The following UHRF2 variants were observed in gnomAD, a reference collection of about 807,000 sequenced individuals.
UHRF2 encodes the protein ubiquitin like with PHD and ring finger domains 2.
UHRF2 carries 23 observed loss-of-function variants against 96.8 expected under a neutral mutation model. The observed-to-expected ratio is 0.24, with a 90% CI of 0.17 to 0.34. The LOEUF is 0.34. UHRF2 is among the 10% of genes least tolerant of loss of function. UHRF2 has a pLI of 1.00. For missense variants in UHRF2, 685 were observed against 981.5 expected, an observed-to-expected ratio of 0.70 and a Z score of 4.04; for synonymous variants, 385 against 332.6, an observed-to-expected ratio of 1.16 and a Z score of -1.72.
chr9:6,473,198 C>G (rs1823356228), intron 4 of UHRF2, among the ~76,000 whole-genome samples: 1 of 152,128 alleles, frequency 6.6e-6, no homozygotes, highest in Non-Finnish European at 1.5e-5. Flanking sequence ...TGGGAGTCAA[C>G]TGGAAGCTCC....
At chr9:6,481,532 A>C (rs1318827818) in intron 6 of UHRF2, 111 bp from the exon 7 acceptor site, 1 of 1,280,250 alleles carries the variant, frequency 7.8e-7, no homozygotes, top group East Asian at 2.3e-5. Context: ...TCTGTAATGT[A>C]TACCAAATAA....
At chr9:6,425,620 G>A (rs990658650) in intron 2 of UHRF2, among the ~76,000 whole-genome samples, 3 of 152,162 alleles carry the variant, frequency 2.0e-5, no homozygotes, top group Middle Eastern at 3.4e-3. Flanking sequence ...AAAATTAGCT[G>A]GGCGTTGTGG....
intron 2 of UHRF2, among the ~76,000 whole-genome samples, chr9:6,430,450 A>C (rs1293581445): frequency 1.3e-5 from 2 of 152,216 alleles, no homozygotes; most frequent in Non-Finnish European, 2.9e-5. Flanking sequence ...TGTATATTTT[A>C]TGATGTTTTG....
At chr9:6,465,150 C>G (rs898464196) in intron 4 of UHRF2, among the ~76,000 whole-genome samples, 3 of 151,948 alleles carry the variant, frequency 2.0e-5, no homozygotes, top group African/African-American at 7.3e-5. Context: ...CCCTGCTTTC[C>G]AAGAGAAAAC....
At chr9:6,418,369 C>T (rs1819735707) in intron 1 of UHRF2, among the ~76,000 whole-genome samples, 1 of 150,838 alleles carries the variant, frequency 6.6e-6, no homozygotes, top group South Asian at 2.1e-4. Context: ...TTAGAGTAAG[C>T]ATGGTAACTT....
chr9:6,469,258 G>A (rs1234427063), intron 4 of UHRF2, among the ~76,000 whole-genome samples: 1 of 152,138 alleles, frequency 6.6e-6, no homozygotes, highest in Non-Finnish European at 1.5e-5. Context: ...CATGGCACAC[G>A]CCTATAATCC....
intron 4 of UHRF2, among the ~76,000 whole-genome samples, chr9:6,467,807 G>A (rs115581413): frequency 0.02 from 3,055 of 151,904 alleles, 102 homozygotes; most frequent in African/African-American, 0.069. Flanking sequence ...CCTCTGAACC[G>A]GACTGAATCC....
chr9:6,479,989 C>G (rs1374013102), intron 6 of UHRF2, among the ~76,000 whole-genome samples: 1 of 152,174 alleles, frequency 6.6e-6, no homozygotes, highest in Non-Finnish European at 1.5e-5. Flanking sequence ...GATCATTCAT[C>G]TGTTTGAAAC....
Position 6,481,621 on chromosome 9 carries a change from C to T in UHRF2, c.1161-22C>T, listed in dbSNP as rs140828639. On this transcript the variant is annotated intron_variant, in intron 6 of 15. Coordinates refer to ENST00000276893, the MANE Select transcript of UHRF2 (RefSeq NM_152896.3). ...TAATATGGTATTGTGAAAATGCCTT[C>T]GTTCTTTTTTTTCTTTTAAAGGTAT... The T allele has an allele frequency of 9.8e-5, 157 of 1,604,212 alleles. No individual in the cohort carries two copies. The African/African-American group carries it at 1.5e-3, about 16-fold the overall frequency.
intron 8 of UHRF2, among the ~76,000 whole-genome samples, chr9:6,483,909 G>A (rs1367501226): frequency 1.3e-5 from 2 of 151,996 alleles, no homozygotes; most frequent in Admixed American, 6.6e-5. Flanking sequence ...GGCTGGTCTC[G>A]AACTCCCAAC....
intron 3 of UHRF2, among the ~76,000 whole-genome samples, chr9:6,435,749 A>G (rs1419719180): frequency 1.3e-5 from 2 of 152,076 alleles, no homozygotes; most frequent in Non-Finnish European, 2.9e-5. Context: ...TGGGGGCTAC[A>G]GGTGCTTGGT....
At chr9:6,487,190 T>TTA (rs1462179498) in intron 9 of UHRF2, among the ~76,000 whole-genome samples, 1 of 128,778 alleles carries the variant, frequency 7.8e-6, no homozygotes, top group African/African-American at 3.0e-5. Context: ...TCCTTTTTTT[T>TTA]TTTTTTTTTT....
At chr9:6,445,821 C>G (rs527844017) in intron 3 of UHRF2, among the ~76,000 whole-genome samples, 1 of 152,252 alleles carries the variant, frequency 6.6e-6, no homozygotes, top group East Asian at 1.9e-4. Context: ...CCCTTGGCCT[C>G]CCAAAGTGCT....
At chr9:6,505,265 C>T (rs2130981996) in intron 15 of UHRF2, among the ~76,000 whole-genome samples, 1 of 151,868 alleles carries the variant, frequency 6.6e-6, no homozygotes, top group South Asian at 2.1e-4. Context: ...TTTAGTGCTG[C>T]TAAATATATA....
Position 6,472,880 on chromosome 9 carries a change from C to G in UHRF2, c.864-2511C>G, listed in dbSNP as rs376475413. 3.2e-4 allele frequency among the ~76,000 whole-genome samples: 48 copies of G among 152,208 alleles called. 1 individual carries two copies. In the South Asian group the frequency reaches 1.0e-2, roughly 32 times the overall value. ...TGGTTGGGGGAAAAAGGAAAAAAGA[C>G]ACATAATTTTTTTAAAAAGTAAATA... On this transcript the variant is annotated intron_variant, in intron 4 of 15. Coordinates refer to ENST00000276893, the MANE Select transcript of UHRF2 (RefSeq NM_152896.3).
chr9:6,421,180 C>G, intron 2 of UHRF2, 38 bp downstream of exon 2: 1 of 1,424,936 alleles, frequency 7.0e-7, no homozygotes. Flanking sequence ...TGTGAGAATA[C>G]AAATAAATTT....
At chr9:6,484,445 C>T (rs1410404611) in intron 8 of UHRF2, among the ~76,000 whole-genome samples, 1 of 144,606 alleles carries the variant, frequency 6.9e-6, no homozygotes, top group Non-Finnish European at 1.5e-5. Context: ...CTTCCCTCCT[C>T]CCTCCTCCCC....
intron 4 of UHRF2, among the ~76,000 whole-genome samples, chr9:6,471,547 C>G (rs1430127162): frequency 6.6e-6 from 1 of 152,146 alleles, no homozygotes; most frequent in Non-Finnish European, 1.5e-5. Flanking sequence ...TGGATCACTC[C>G]CTCTGAGGGA....
intron 3 of UHRF2, among the ~76,000 whole-genome samples, chr9:6,439,033 C>G (rs1172135871): frequency 1.3e-5 from 2 of 152,140 alleles, no homozygotes; most frequent in Non-Finnish European, 2.9e-5. Context: ...CCTAATTTAT[C>G]TCCACTATTC....
Sources: gnomAD v4.1 joint callset for allele counts (sites outside exome capture counted in the v4.1 genomes callset) on GRCh38, gnomAD v4.1.1 for gene constraint, MANE v1.5 for transcripts, NCBI Gene and HGNC (gene_info 2026-07-23, HGNC 2026-07-21) for gene names.